XKR9: variants seen among roughly 807,000 people sequenced by gnomAD.
XKR9 encodes XK-related protein 9.
Under a neutral mutation model 32.0 loss-of-function variants are expected in XKR9, and 32 were observed. That is an observed-to-expected ratio of 1.00 (90% CI 0.76 to 1.34). The LOEUF (loss-of-function observed/expected upper bound fraction) is 1.34. Among genes scored for constraint, XKR9 ranks in the 40% most tolerant of loss-of-function variants. The pLI is 0.00. For missense variants in XKR9, 546 were observed against 429.7 expected (o/e 1.27, Z -2.39); for synonymous variants, 168 against 143.4 (o/e 1.17, Z -1.22).
At chr8:70,915,249 G>A in the XKR9 span, among the ~76,000 whole-genome samples, 1 of 152,064 alleles carries the variant, frequency 6.6e-6, no homozygotes, top group Admixed American at 6.6e-5. Context: ...GGGGAGGTTG[G>A]GAATCTTGTG....
At chr8:70,941,727 T>A in the XKR9 span, among the ~76,000 whole-genome samples, 3 of 152,158 alleles carry the variant, frequency 2.0e-5, no homozygotes, top group South Asian at 6.2e-4. Context: ...TGGGAGTAAT[T>A]ATAAAGGCTA....
intron 2 of XKR9, among the ~76,000 whole-genome samples, chr8:70,776,576 G>A (rs1163686897): frequency 2.0e-5 from 3 of 151,992 alleles, no homozygotes; most frequent in African/African-American, 7.2e-5. Flanking sequence ...TTAAATGCCT[G>A]TTCTCCTCTG....
the XKR9 span, among the ~76,000 whole-genome samples, chr8:71,045,979 A>G: frequency 6.6e-6 from 1 of 152,228 alleles, no homozygotes; most frequent in African/African-American, 2.4e-5. Flanking sequence ...GTATCCTCCA[A>G]TAGATGAGAA....
the XKR9 span, among the ~76,000 whole-genome samples, chr8:71,063,485 T>A: frequency 6.6e-6 from 1 of 151,872 alleles, no homozygotes; most frequent in Admixed American, 6.6e-5. Context: ...TTAAAATGAC[T>A]GAATTTACTA....
the XKR9 span, among the ~76,000 whole-genome samples, chr8:71,003,158 T>G: frequency 2.0e-5 from 3 of 152,354 alleles, no homozygotes; most frequent in East Asian, 5.8e-4. Flanking sequence ...ATTAAGGGAA[T>G]CAGTGCTCAG....
the XKR9 span, among the ~76,000 whole-genome samples, chr8:71,057,564 T>C: frequency 1.3e-5 from 2 of 152,216 alleles, no homozygotes; most frequent in African/African-American, 4.8e-5. Flanking sequence ...TAAAAGGTTA[T>C]TGCCTTATCA....
intron 2 of XKR9, among the ~76,000 whole-genome samples, chr8:70,747,474 G>C (rs1807075325): frequency 6.6e-6 from 1 of 152,192 alleles, no homozygotes; most frequent in Admixed American, 6.5e-5. Context: ...AAGTAGAAGA[G>C]AGACCTGAGC....
chr8:70,794,770 G>A (rs372845744), downstream of XKR9, among the ~76,000 whole-genome samples: 42 of 150,080 alleles, frequency 2.8e-4, no homozygotes, highest in South Asian at 8.8e-3. Flanking sequence ...CTAGTATTTT[G>A]TTAAGGATTT....
In XKR9 at chr8:70,779,571, A is replaced by G. The variant is rs186181807; in HGVS notation, n.353-9768A>G. 2.7e-3 allele frequency among the ~76,000 whole-genome samples: 408 copies of G among 152,206 alleles called. 16 individuals carry two copies. In the East Asian group the frequency reaches 0.04, roughly 15 times the overall value. On this transcript the variant is annotated intron_variant and non_coding_transcript_variant, in intron 2 of 3. Transcript: ENST00000520273. ...TACCTCTGGTAGAATTCGGCTGTGA[A>G]TCCGTCTGGACCTGGGCTTTTTTTG...
the XKR9 span, among the ~76,000 whole-genome samples, chr8:70,816,622 G>T: frequency 6.6e-6 from 1 of 152,168 alleles, no homozygotes; most frequent in Non-Finnish European, 1.5e-5. Context: ...CTTAAAAGCA[G>T]CTAGAGAAAA....
the XKR9 span, among the ~76,000 whole-genome samples, chr8:70,833,901 C>T: frequency 2.2e-4 from 34 of 152,052 alleles, no homozygotes; most frequent in Admixed American, 7.9e-4. Context: ...TGAACACTTT[C>T]CTTTATTGTA....
chr8:71,035,134 T>A, the XKR9 span, among the ~76,000 whole-genome samples: 4 of 152,214 alleles, frequency 2.6e-5, no homozygotes, highest in African/African-American at 9.7e-5. Flanking sequence ...TATGAATATA[T>A]TGAAACATTT....
chr8:70,718,772 C>G (rs997771992), intron 4 of XKR9, among the ~76,000 whole-genome samples: 1 of 152,130 alleles, frequency 6.6e-6, no homozygotes, highest in Non-Finnish European at 1.5e-5. Context: ...AATAGTGCTG[C>G]AATAAACATA....
intron 2 of XKR9, among the ~76,000 whole-genome samples, chr8:70,761,680 C>T (rs768927420): frequency 1.3e-5 from 2 of 151,816 alleles, no homozygotes; most frequent in East Asian, 1.9e-4. Flanking sequence ...TTTTTCTGTG[C>T]AGAAGCTCTT....
At chr8:70,912,870 A>T in the XKR9 span, among the ~76,000 whole-genome samples, 7 of 152,190 alleles carry the variant, frequency 4.6e-5, no homozygotes, top group Admixed American at 4.6e-4. Context: ...AAAGTCTACT[A>T]CATCTTCTGA....
At chr8:70,766,012 G>T (rs768192956) in intron 2 of XKR9, among the ~76,000 whole-genome samples, 1 of 152,106 alleles carries the variant, frequency 6.6e-6, no homozygotes, top group Non-Finnish European at 1.5e-5. Flanking sequence ...CTATAGCCTT[G>T]TAGTATTGTT....
intron 3 of XKR9, among the ~76,000 whole-genome samples, chr8:70,691,499 A>G (rs1164270075): frequency 6.6e-6 from 1 of 152,122 alleles, no homozygotes; most frequent in Non-Finnish European, 1.5e-5. Context: ...TCCTAGATCC[A>G]GGATGGTATT....
At chr8:71,020,039 A>C in the XKR9 span, among the ~76,000 whole-genome samples, 3 of 152,206 alleles carry the variant, frequency 2.0e-5, no homozygotes, top group African/African-American at 7.2e-5. Context: ...CATTCACTGA[A>C]TGCCAAACAT....
At chr8:70,951,830 G>A in the XKR9 span, among the ~76,000 whole-genome samples, 1 of 151,900 alleles carries the variant, frequency 6.6e-6, no homozygotes, top group African/African-American at 2.4e-5. Context: ...ATAGCAGCCT[G>A]GCCCCGGCTC....
Sources: gnomAD v4.1 joint callset for allele counts (sites outside exome capture counted in the v4.1 genomes callset) on GRCh38, gnomAD v4.1.1 for gene constraint, MANE v1.5 for transcripts, NCBI Gene and HGNC (gene_info 2026-07-23, HGNC 2026-07-21) for gene names.